Variants in WWOX observed in about 807,000 individuals in gnomAD.
The protein encoded by WWOX is WW domain-containing oxidoreductase.
WWOX carries 69 observed loss-of-function variants against 46.2 expected under a neutral mutation model. That is an observed-to-expected ratio of 1.49 (90% CI 1.23 to 1.82). The LOEUF (loss-of-function observed/expected upper bound fraction) is 1.82. Ranked by LOEUF, WWOX falls within the 40% of genes most tolerant of loss-of-function variation. WWOX has a pLI of 0.00. For synonymous variants in WWOX, 359 were observed against 202.6 expected (o/e 1.77, Z -6.56); for missense variants, 919 against 542.6 (o/e 1.69, Z -6.89).
chr16:78,314,432 C>T (rs578166552), intron 5 of WWOX, among the ~76,000 whole-genome samples: 1 of 146,036 alleles, frequency 6.8e-6, no homozygotes, highest in Admixed American at 6.8e-5. Flanking sequence ...AAGTACAGGA[C>T]ATACGTAGGA....
At chr16:78,803,139 T>A (rs2050939809) in intron 8 of WWOX, among the ~76,000 whole-genome samples, 1 of 151,550 alleles carries the variant, frequency 6.6e-6, no homozygotes, top group African/African-American at 2.4e-5. Flanking sequence ...TCTTTCAGGA[T>A]CCAACAGTTC....
At chr16:78,243,497 G>A (rs906129323) in intron 5 of WWOX, among the ~76,000 whole-genome samples, 1 of 151,832 alleles carries the variant, frequency 6.6e-6, no homozygotes, top group Non-Finnish European at 1.5e-5. Context: ...GTGCTTTTTC[G>A]GTCCTCTCCC....
rs138195223 is a variant in WWOX at position 78,469,634 on chromosome 16, G to A, written c.1056+36882G>A. Reference sequence around the variant, plus strand: ...CTTGAAAAGCATAGCAGGCTGCCAGGACATGTCTGAGTACCGCGCAGATAG... The same window carrying A: ...CTTGAAAAGCATAGCAGGCTGCCAGAACATGTCTGAGTACCGCGCAGATAG... On this transcript the variant is annotated intron_variant, in intron 8 of 8. Coordinates refer to ENST00000566780, the MANE Select transcript of WWOX (RefSeq NM_016373.4). Among the ~76,000 whole-genome samples, 14 of 152,288 alleles carry A rather than the reference G, an allele frequency of 9.2e-5. 1 individual carries two copies. The highest frequency in any genetic ancestry group is 2.4e-4 in the African/African-American group (10 of 41,578).
rs370297531 is a variant in WWOX, at chr16:79,128,365, T to G, written c.1057-83243T>G. On this transcript the variant is annotated intron_variant, in intron 8 of 8. Coordinates refer to ENST00000566780, the MANE Select transcript of WWOX (RefSeq NM_016373.4). ...AAAAAAAAAATAGGTCTTAGAAGTG[T>G]GAAAAACAAAAAACAAAAAACAAAA... Among the ~76,000 whole-genome samples, 119 of 149,444 alleles carry G rather than the reference T, an allele frequency of 8.0e-4. 1 individual carries two copies. Among genetic ancestry groups the G allele is most frequent in the African/African-American group, 2.7e-3 (110 of 40,210 alleles).
At position 78,911,025 on chromosome 16, in the gene WWOX, T is replaced by A. The variant is rs930719686; in HGVS notation, c.1057-300583T>A. On this transcript the variant is annotated intron_variant, in intron 8 of 8. Transcript: ENST00000566780. ...TCAATTAAAAATAAATTAAAAAAAT[T>A]AAAAAATGGCTTTCCCACAGCCTGT... 2.0e-5 allele frequency among the ~76,000 whole-genome samples: 3 copies of A among 152,078 alleles called. No homozygotes were observed. In the East Asian group the frequency reaches 5.8e-4, roughly 29 times the overall value.
At chr16:78,380,683 C>T (rs967361727) in intron 5 of WWOX, among the ~76,000 whole-genome samples, 1 of 152,082 alleles carries the variant, frequency 6.6e-6, no homozygotes, top group African/African-American at 2.4e-5. Context: ...TCATGTTCTG[C>T]TCCAACTGCT....
At chr16:79,021,314 A>T (rs561979652) in intron 8 of WWOX, among the ~76,000 whole-genome samples, 1 of 152,226 alleles carries the variant, frequency 6.6e-6, no homozygotes, top group East Asian at 1.9e-4. Context: ...TTAGCGAGAT[A>T]TTGTCTCTAC....
intron 8 of WWOX, among the ~76,000 whole-genome samples, chr16:79,155,729 T>C (rs979730117): frequency 2.6e-5 from 4 of 152,114 alleles, no homozygotes; most frequent in African/African-American, 9.7e-5. Flanking sequence ...AAGAAGCTCC[T>C]AACAGGCTGA....
chr16:78,152,381 CATA>C (rs1340980032), intron 4 of WWOX, among the ~76,000 whole-genome samples: 2 of 147,436 alleles, frequency 1.4e-5, no homozygotes, highest in Non-Finnish European at 1.5e-5. Context: ...ATTCCTCCCA[CATA>C]TTTGCAAGTC....
chr16:78,885,192 CTT>C (rs58558697), intron 8 of WWOX, among the ~76,000 whole-genome samples: 11 of 127,708 alleles, frequency 8.6e-5, no homozygotes, highest in Non-Finnish European at 1.3e-4. Context: ...TCACTCTCTA[CTT>C]TTTTTTTTTT....
At chr16:78,581,800 C>G (rs2045062796) in intron 8 of WWOX, among the ~76,000 whole-genome samples, 1 of 152,118 alleles carries the variant, frequency 6.6e-6, no homozygotes, top group African/African-American at 2.4e-5. Context: ...AAAGTTTTCC[C>G]CATACCAACT....
At chr16:78,839,278 C>T (rs749438889) in intron 8 of WWOX, among the ~76,000 whole-genome samples, 24 of 152,116 alleles carry the variant, frequency 1.6e-4, no homozygotes, top group Non-Finnish European at 2.8e-4. Flanking sequence ...CAGTCTCTCT[C>T]TTCTGTTCCT....
At chr16:78,304,721 A>G (rs987342143) in intron 5 of WWOX, among the ~76,000 whole-genome samples, 2 of 152,262 alleles carry the variant, frequency 1.3e-5, no homozygotes, top group East Asian at 1.9e-4. Flanking sequence ...GAACAACACC[A>G]TAATGGGCAA....
chr16:78,891,699 C>T (rs1405065553), intron 8 of WWOX: 1 of 152,166 alleles, frequency 6.6e-6, no homozygotes, highest in East Asian at 1.9e-4. Flanking sequence ...CTCTAACATC[C>T]TTCTTTTCTA....
chr16:79,165,348 G>A (rs1225060411), intron 8 of WWOX, among the ~76,000 whole-genome samples: 1 of 152,128 alleles, frequency 6.6e-6, no homozygotes, highest in Non-Finnish European at 1.5e-5. Context: ...TTTGAAGCAG[G>A]TGTCGTGGAA....
intron 8 of WWOX, among the ~76,000 whole-genome samples, chr16:79,041,305 C>T (rs911311315): frequency 5.9e-5 from 9 of 152,114 alleles, no homozygotes; most frequent in East Asian, 3.9e-4. Flanking sequence ...CCCGCTTGTC[C>T]CCCAGCCTCT....
At chr16:78,925,845 A>C (rs1370712476) in intron 8 of WWOX, among the ~76,000 whole-genome samples, 2 of 152,188 alleles carry the variant, frequency 1.3e-5, no homozygotes, top group South Asian at 4.1e-4. Flanking sequence ...GTTCTAGCCT[A>C]CCAGGATTTG....
intron 8 of WWOX, chr16:78,550,907 T>A (rs1467235376): frequency 6.6e-6 from 1 of 152,170 alleles, no homozygotes; most frequent in Admixed American, 6.5e-5. Context: ...ATCACTTGGC[T>A]GGGGACTCAG....
At chr16:78,451,794 T>G (rs1354898546) in intron 8 of WWOX, among the ~76,000 whole-genome samples, 5 of 152,192 alleles carry the variant, frequency 3.3e-5, no homozygotes, top group African/African-American at 1.2e-4. Context: ...AAGATATTAT[T>G]GATTATCTGA....
Sources: allele counts gnomAD v4.1 joint callset (sites outside exome capture counted in the v4.1 genomes callset), GRCh38; gene constraint gnomAD v4.1.1; transcripts MANE v1.5; gene names NCBI Gene and HGNC (gene_info 2026-07-23, HGNC 2026-07-21).